The following LILRB5 variants were observed in gnomAD, a reference collection of about 807,000 sequenced individuals.
The protein encoded by LILRB5 is leukocyte immunoglobulin like receptor B5.
Under a neutral mutation model 68.4 loss-of-function variants are expected in LILRB5, and 61 were observed. That is an observed-to-expected ratio of 0.89 (90% CI 0.73 to 1.10). LILRB5 has a LOEUF of 1.10. Ranked by LOEUF, LILRB5 falls within the 50% of genes least tolerant of loss-of-function variation. LILRB5 has a pLI of 0.00. For synonymous variants in LILRB5, 356 were observed against 315.8 expected (o/e 1.13, Z -1.35); for missense variants, 771 against 751.6 (o/e 1.03, Z -0.30).
At chr19:54,254,459 G>GTGA in intron 6 of LILRB5, 44 bp from the exon 7 acceptor site, 1 of 1,543,740 alleles carries the variant, frequency 6.5e-7, no homozygotes, top group Non-Finnish European at 8.7e-7. Context: ...TTGGTGCTGA[G>GTGA]TGAGGAAACC....
chr19:54,250,651 C>G lies in LILRB5; in HGVS notation c.*135G>C. The stretch of plus-strand genomic sequence containing the variant: ...CAGAATCTAGTGAGTCCCAGAGTTC[C>G]CAGGATGTCCTGGTGGTCTTTGTTA... On this transcript the variant is annotated 3_prime_UTR_variant, in exon 13 of 13. Coordinates refer to ENST00000449561, the MANE Select transcript of LILRB5 (RefSeq NM_001081442.3). 2.7e-6 allele frequency: 3 copies of G among 1,119,912 alleles called. No individual in the cohort carries two copies. The highest frequency in any genetic ancestry group is 3.8e-6 in the Non-Finnish European group (3 of 783,172). 69.4% of individuals were successfully genotyped at this position (1,119,912 alleles called of 1,614,324 possible).
intron 12 of LILRB5, 147 bp from the exon 13 acceptor site, chr19:54,251,079 G>T (rs142193233): frequency 2.1e-6 from 3 of 1,456,352 alleles, no homozygotes; most frequent in South Asian, 2.3e-5. Flanking sequence ...CCAGACAGTG[G>T]GGAAGGAGGA....
intron 6 of LILRB5, 114 bp downstream of exon 6, chr19:54,254,621 C>T (rs745941058): frequency 7.3e-7 from 1 of 1,378,292 alleles, no homozygotes; most frequent in Non-Finnish European, 1.0e-6. Flanking sequence ...TCTGGCTGAG[C>T]CCCCCTCAAA....
intron 8 of LILRB5, chr19:54,253,595 T>C (rs2079027574): frequency 6.6e-6 from 3 of 454,212 alleles, no homozygotes; most frequent in Non-Finnish European, 1.2e-5. Context: ...TTCTGTGAGC[T>C]GGATGGGACT....
chr19:54,255,247 A>G (rs440352), intron 5 of LILRB5, 39 bp downstream of exon 5: 398,815 of 1,600,244 alleles, frequency 0.25, 51,993 homozygotes, highest in Non-Finnish European at 0.27. Context: ...GGACCTGTGC[A>G]GAGCCTGGGT....
chr19:54,252,990 T>C lies in LILRB5; in HGVS notation c.1358-3A>G. The C allele has an allele frequency of 6.5e-7, 1 of 1,543,840 alleles. No individual in the cohort carries two copies. Among genetic ancestry groups the C allele is most frequent in the Non-Finnish European group, 8.8e-7 (1 of 1,136,216 alleles). ...AACCCCCAGGTGCCTTCCCAGACCT[T>C]GAGCGTGATGACGTTGGGAATGGGG... On this transcript the variant is annotated splice_region_variant and splice_polypyrimidine_tract_variant and intron_variant, in intron 8 of 12. Coordinates refer to ENST00000449561, the MANE Select transcript of LILRB5 (RefSeq NM_001081442.3).
At chr19:54,256,852 C>G (rs558993592) in intron 2 of LILRB5, 79 bp from the exon 3 acceptor site, 1 of 1,607,296 alleles carries the variant, frequency 6.2e-7, no homozygotes, top group South Asian at 1.1e-5. Context: ...ACCCTCCAGA[C>G]GTCCCCATCA....
chr19:54,252,301 C>CT lies in LILRB5; in HGVS notation c.1576+64_1576+65insA, dbSNP rs538772778. On this transcript the variant is annotated intron_variant, in intron 11 of 12. Transcript: ENST00000449561. ...CCCCCCCAGCCTGTGCTCCTGCCCCCATTGCTACAGAAACTTTGGTGCTCC... is the reference window on the plus strand; with the variant it reads ...CCCCCCCAGCCTGTGCTCCTGCCCCCTATTGCTACAGAAACTTTGGTGCTCC... The CT allele has an allele frequency of 2.6e-5, 41 of 1,570,656 alleles. No homozygotes were observed. In the East Asian group the frequency reaches 3.1e-4, roughly 12 times the overall value.
Position 54,250,893 on chromosome 19 carries a change from G to T in LILRB5, c.1669C>A (p.Gln557Lys). 6.2e-7 allele frequency: 1 copy of T among 1,612,896 alleles called. No homozygotes were observed. The highest frequency in any genetic ancestry group is 8.5e-7 in the Non-Finnish European group (1 of 1,179,760). ...CGTCTGAGGGTCAAGCTGTGCAGCTGGGCGTAGGTCACATCCTGGGGGGCT... is the reference window on the plus strand; with the variant it reads ...CGTCTGAGGGTCAAGCTGTGCAGCTTGGCGTAGGTCACATCCTGGGGGGCT... ...SEAPQDVTYA[Q>K]LHSLTLRREA... Residue 557 changes from glutamine to lysine, a missense_variant, in exon 13 of 13, where the codon CAG (glutamine) becomes AAG (lysine). Physicochemically the swap from Gln to Lys is moderately conservative, Grantham distance 53. Transcript: ENST00000449561.
Position 54,250,780 on chromosome 19 carries a change from C to T in LILRB5, c.*6G>A, listed in dbSNP as rs532498860. 9.3e-6 allele frequency: 15 copies of T among 1,613,898 alleles called. No individual in the cohort carries two copies. Among genetic ancestry groups the T allele is most frequent in the East Asian group, 4.5e-5 (2 of 44,842 alleles). On this transcript the variant is annotated 3_prime_UTR_variant, in exon 13 of 13. Transcript: ENST00000449561. ...TGTTGAGTATGAGATCTGGGTCCCC[C>T]GTGGGCTAGTGGATGGCCAGGGGGG...
At chr19:54,253,614 T>C (rs1472022539) in intron 8 of LILRB5, 20 of 510,420 alleles carry the variant, frequency 3.9e-5, no homozygotes, top group Non-Finnish European at 6.0e-5. Context: ...CTGAGCCAGT[T>C]TACAGCTGCT....
rs1209099651 is a variant in LILRB5 at position 54,255,598 on chromosome 19, A to T, written c.656-16T>A. 6.2e-7 allele frequency: 1 copy of T among 1,608,240 alleles called. No individual in the cohort carries two copies. Among genetic ancestry groups the T allele is most frequent in the South Asian group, 1.1e-5 (1 of 90,788 alleles). On this transcript the variant is annotated splice_polypyrimidine_tract_variant and intron_variant, in intron 4 of 12. Coordinates refer to ENST00000449561, the MANE Select transcript of LILRB5 (RefSeq NM_001081442.3). Reference sequence around the variant, plus strand: ...CTAGACACGCCTGGAGGGAAAGAGGAATTGGGACTTGGAAGGCTGGTTCCT... The same window carrying T: ...CTAGACACGCCTGGAGGGAAAGAGGTATTGGGACTTGGAAGGCTGGTTCCT...
chr19:54,256,429 A>G, intron 3 of LILRB5, 60 bp downstream of exon 3: 2 of 1,599,542 alleles, frequency 1.3e-6, no homozygotes, highest in South Asian at 2.2e-5. Context: ...GACGTCCCTA[A>G]GAGCCGACCC....
rs1203449201 is a variant in LILRB5 at position 54,252,998 on chromosome 19, A to T, written c.1358-11T>A. 1.3e-6 allele frequency: 2 copies of T among 1,532,590 alleles called. No homozygotes were observed. Among genetic ancestry groups the T allele is most frequent in the African/African-American group, 2.8e-5 (2 of 72,608 alleles). 94.9% of individuals were successfully genotyped at this position (1,532,590 alleles called of 1,614,324 possible). A position where few individuals can be genotyped will look rare whatever the true frequency, so the allele number is the denominator to read the frequency against. On this transcript the variant is annotated splice_polypyrimidine_tract_variant and intron_variant, in intron 8 of 12. Transcript: ENST00000449561. ...GGTGCCTTCCCAGACCTTGAGCGTG[A>T]TGACGTTGGGAATGGGGATGACGTC... is the stretch of plus-strand genomic sequence containing the variant.
chr19:54,254,331 G>C, intron 7 of LILRB5, 34 bp downstream of exon 7: 1 of 1,552,080 alleles, frequency 6.4e-7, no homozygotes. Context: ...GGGAGACCAC[G>C]CTCCCTCCGA....
rs539625340 is a variant in LILRB5 at position 54,255,285 on chromosome 19, C to T, written c.952+1G>A. On this transcript the variant is annotated splice_donor_variant, in intron 5 of 12. Coordinates refer to ENST00000449561, the MANE Select transcript of LILRB5 (RefSeq NM_001081442.3). LOFTEE classifies it high-confidence loss of function. ...CTGACTGAACCCGCTGGGCTCCTCACCTGCGATCAGGATGTCCAGGGGGTC... is the reference window on the plus strand; with the variant it reads ...CTGACTGAACCCGCTGGGCTCCTCATCTGCGATCAGGATGTCCAGGGGGTC... The T allele has an allele frequency of 5.3e-5, 86 of 1,612,836 alleles. No homozygotes were observed. The South Asian group carries it at 9.1e-4, about 17-fold the overall frequency.
intron 8 of LILRB5, chr19:54,253,816 C>T: frequency 6.8e-6 from 10 of 1,477,960 alleles, no homozygotes; most frequent in Non-Finnish European, 9.1e-6. Context: ...AGGTCACCGT[C>T]ACTGCTGCCG....
chr19:54,255,949 T>G, intron 4 of LILRB5, 94 bp downstream of exon 4: 1 of 1,052,608 alleles, frequency 9.5e-7, no homozygotes. Flanking sequence ...AACACATCCT[T>G]CTGGGGTCCT....
rs1257683230 is a variant in LILRB5, at chr19:54,256,251, T to C, written c.447A>G (p.Gly149=). The C allele has an allele frequency of 6.2e-7, 1 of 1,613,902 alleles. No individual in the cohort carries two copies. Among genetic ancestry groups the C allele is most frequent in the East Asian group, 2.2e-5 (1 of 44,864 alleles). Residue 149 remains glycine, a synonymous_variant, in exon 4 of 13, where the codon GGA becomes GGG. Coordinates refer to ENST00000449561, the MANE Select transcript of LILRB5 (RefSeq NM_001081442.3). ...CCTCAACAAGAACAAACGTGAGAAG[T>C]CCGTCCAGTGTATCACACTGGAGGG... ...NVTLQCDTLD[G]LLTFVLVEEE...
Sources: gnomAD v4.1 joint callset for allele counts on GRCh38, gnomAD v4.1.1 for gene constraint, MANE v1.5 for transcripts, NCBI Gene and HGNC (gene_info 2026-07-23, HGNC 2026-07-21) for gene names.